SCFD1: variants seen among roughly 807,000 people sequenced by gnomAD.
SCFD1 encodes the protein sec1 family domain containing 1, also known as sec1 family domain-containing protein 1.
In SCFD1, 37 loss-of-function variants were observed where a neutral mutation model predicts 103.2. The observed-to-expected ratio is 0.36, with a 90% confidence interval of 0.28 to 0.47. SCFD1 has a LOEUF of 0.47. SCFD1 is among the 20% of genes least tolerant of loss of function. The pLI, the probability that SCFD1 is intolerant of heterozygous loss-of-function variation, is 1.00. For synonymous variants in SCFD1, 264 were observed against 245.0 expected (o/e 1.08, Z -0.73); for missense variants, 639 against 761.2 (o/e 0.84, Z 1.89).
chr14:30,722,489 T>C lies in SCFD1; in HGVS notation c.1771-5T>C, dbSNP rs772118147. 1.3e-6 allele frequency: 2 copies of C among 1,595,070 alleles called. 1 individual carries two copies. Among genetic ancestry groups the C allele is most frequent in the Middle Eastern group, 3.4e-4 (2 of 5,966 alleles). On this transcript the variant is annotated splice_region_variant and splice_polypyrimidine_tract_variant and intron_variant, in intron 22 of 24. Coordinates refer to ENST00000458591, the MANE Select transcript of SCFD1 (RefSeq NM_016106.4). ...TTTTTTTTTTTTAATCTGTTTGCAT[T>C]TTAGGCCATTGTTTTTGTGGTGGGA...
At chr14:30,628,949 A>C (rs1044178683) in intron 2 of SCFD1, among the ~76,000 whole-genome samples, 8 of 152,210 alleles carry the variant, frequency 5.3e-5, no homozygotes, top group African/African-American at 1.4e-4. Flanking sequence ...TTGAGTCTTT[A>C]TAAGTCCTTT....
intron 10 of SCFD1, among the ~76,000 whole-genome samples, chr14:30,666,241 A>T (rs1031113437): frequency 6.6e-6 from 1 of 152,236 alleles, no homozygotes; most frequent in Non-Finnish European, 1.5e-5. Context: ...AGAACTCAGG[A>T]TTAAGAAACT....
Position 30,705,860 on chromosome 14 carries a change from G to A in SCFD1, c.1528G>A (p.Gly510Ser). Residue 510 changes from glycine (G) to serine (S), a missense_variant, in exon 18 of 25, where the codon GGC becomes AGC. Physicochemically the swap from Gly to Ser is moderately conservative, Grantham distance 56. Transcript: ENST00000458591. Reference protein sequence around the residue: ...TKMASAPASYGSTTTKPMGLL... With the variant: ...TKMASAPASYSSTTTKPMGLL... ...GATGGCCTCAGCTCCGGCCAGCTAT[G>A]GCAGCACTACCACTAAACCAATGGG... 6.2e-7 allele frequency: 1 copy of A among 1,613,538 alleles called. No individual in the cohort carries two copies. The highest frequency in any genetic ancestry group is 8.5e-7 in the Non-Finnish European group (1 of 1,179,654).
intron 23 of SCFD1, among the ~76,000 whole-genome samples, chr14:30,731,949 C>T (rs989000021): frequency 6.6e-6 from 1 of 152,144 alleles, no homozygotes; most frequent in Non-Finnish European, 1.5e-5. Flanking sequence ...AAAGGGAATG[C>T]TTCCAGTTTT....
At chr14:30,697,865 A>T (rs1890804038) in intron 15 of SCFD1, among the ~76,000 whole-genome samples, 1 of 152,222 alleles carries the variant, frequency 6.6e-6, no homozygotes, top group Non-Finnish European at 1.5e-5. Context: ...GAGGCATGAC[A>T]ACTGTATGTG....
chr14:30,708,615 A>G (rs1429509515), intron 19 of SCFD1, among the ~76,000 whole-genome samples: 3 of 152,216 alleles, frequency 2.0e-5, no homozygotes, highest in Non-Finnish European at 4.4e-5. Flanking sequence ...ACGTTAATTG[A>G]AAGAATGAAC....
intron 7 of SCFD1, among the ~76,000 whole-genome samples, chr14:30,646,742 C>A (rs1185363262): frequency 6.6e-6 from 1 of 152,128 alleles, no homozygotes; most frequent in Admixed American, 6.5e-5. Context: ...GTGAATCCAT[C>A]TGGTCCAGGG....
intron 23 of SCFD1, among the ~76,000 whole-genome samples, chr14:30,730,730 T>A (rs549338561): frequency 3.3e-5 from 5 of 152,268 alleles, no homozygotes; most frequent in African/African-American, 9.6e-5. Context: ...AGTTGAGTTC[T>A]TTGTAGATTC....
intron 21 of SCFD1, among the ~76,000 whole-genome samples, chr14:30,721,543 T>C (rs917256588): frequency 5.3e-5 from 8 of 152,164 alleles, no homozygotes; most frequent in Non-Finnish European, 1.2e-4. Flanking sequence ...GGTAAAAATT[T>C]ACCACATAAA....
intron 14 of SCFD1, chr14:30,683,039 C>T: frequency 1.5e-6 from 2 of 1,337,088 alleles, no homozygotes; most frequent in Non-Finnish European, 1.1e-6. Context: ...GGCTGGGCAG[C>T]CTGGGTCAGG....
rs187212098 is a variant in SCFD1 at position 30,708,938 on chromosome 14, T to G, written c.1629+873T>G. 1.9e-3 allele frequency among the ~76,000 whole-genome samples: 281 copies of G among 151,614 alleles called. 1 individual carries two copies. Among genetic ancestry groups the G allele is most frequent in the Non-Finnish European group, 3.0e-3 (207 of 68,014 alleles). On this transcript the variant is annotated intron_variant, in intron 19 of 24. Transcript: ENST00000458591. ...TAATTTGGTATCTTTTCAAAAGATT[T>G]GTTTTTTACTTTTAATTTTGGAAAT...
intron 7 of SCFD1, chr14:30,643,967 A>G (rs1387715890): frequency 2.2e-6 from 1 of 456,616 alleles, no homozygotes; most frequent in Admixed American, 2.3e-5. Flanking sequence ...CACCCAGGCC[A>G]TGGGCATGGT....
chr14:30,622,318 CA>C lies in SCFD1; in HGVS notation c.-20del. ...CCCCCCGCTCCGCTCCCCAGCCGGGCAGTGGCTCGTGGGAGCCAAGATGGCG... is the reference window on the plus strand; with the variant it reads ...CCCCCCGCTCCGCTCCCCAGCCGGGCGTGGCTCGTGGGAGCCAAGATGGCG... On this transcript the variant is annotated 5_prime_UTR_variant, in exon 1 of 25. Coordinates refer to ENST00000458591, the MANE Select transcript of SCFD1 (RefSeq NM_016106.4). 1 of 1,589,422 alleles carries C rather than the reference CA, an allele frequency of 6.3e-7. No homozygotes were observed. The highest frequency in any genetic ancestry group is 8.6e-7 in the Non-Finnish European group (1 of 1,169,222).
intron 22 of SCFD1, among the ~76,000 whole-genome samples, chr14:30,722,179 C>T (rs2139412923): frequency 6.6e-6 from 1 of 152,088 alleles, no homozygotes; most frequent in Middle Eastern, 3.4e-3. Context: ...AAATTGGATT[C>T]CAAACATTTG....
intron 21 of SCFD1, 49 bp downstream of exon 21, chr14:30,719,426 A>G: frequency 7.2e-7 from 1 of 1,382,282 alleles, no homozygotes; most frequent in Non-Finnish European, 1.0e-6. Flanking sequence ...CCCCTCGAGA[A>G]TGGAAATAAT....
At chr14:30,628,340 T>G (rs1883741478) in intron 2 of SCFD1, 61 bp downstream of exon 2, 6 of 1,059,698 alleles carry the variant, frequency 5.7e-6, no homozygotes, top group Non-Finnish European at 8.6e-6. Flanking sequence ...TGGTGGTAAT[T>G]GGAGGGAATT....
intron 14 of SCFD1, chr14:30,676,249 T>C: frequency 6.6e-6 from 1 of 152,250 alleles, no homozygotes; most frequent in East Asian, 1.9e-4. Context: ...ATTTACTTAT[T>C]CAATCATGTT....
chr14:30,690,875 T>C (rs1323031435), intron 14 of SCFD1, among the ~76,000 whole-genome samples: 1 of 152,274 alleles, frequency 6.6e-6, no homozygotes, highest in Non-Finnish European at 1.5e-5. Context: ...CTGAAGAATC[T>C]CAGTTTATTA....
intron 10 of SCFD1, among the ~76,000 whole-genome samples, chr14:30,656,762 AT>A (rs1193556253): frequency 3.9e-5 from 6 of 152,054 alleles, no homozygotes; most frequent in Non-Finnish European, 8.8e-5. Context: ...TCAGGTTCCC[AT>A]TTGAGAAGGC....
Sources: gnomAD v4.1 joint callset for allele counts (sites outside exome capture counted in the v4.1 genomes callset) on GRCh38, gnomAD v4.1.1 for gene constraint, MANE v1.5 for transcripts, NCBI Gene and HGNC (gene_info 2026-07-23, HGNC 2026-07-21) for gene names.